RABGAP1L: variants seen among roughly 807,000 people sequenced by gnomAD.
RABGAP1L encodes the protein RAB GTPase activating protein 1 like.
Under a neutral mutation model 137.7 loss-of-function variants are expected in RABGAP1L, and 63 were observed. That is an observed-to-expected ratio of 0.46 (90% CI 0.37 to 0.56). The LOEUF (loss-of-function observed/expected upper bound fraction) is 0.56. RABGAP1L is among the 20% of genes least tolerant of loss of function. The pLI is 0.00. For missense variants in RABGAP1L, 1,095 were observed against 1,244.0 expected, an observed-to-expected ratio of 0.88 and a Z score of 1.80; for synonymous variants, 431 against 433.7, an observed-to-expected ratio of 0.99 and a Z score of 0.08.
intron 19 of RABGAP1L, chr1:174,893,085 T>C (rs1245836638): frequency 2.8e-6 from 1 of 362,794 alleles, no homozygotes; most frequent in South Asian, 2.6e-5. Flanking sequence ...TCATTTTGTA[T>C]TGGAAAGTGA....
At chr1:174,393,870 C>A (rs1647476494) in intron 12 of RABGAP1L, 125 bp from the exon 13 acceptor site, 1 of 987,246 alleles carries the variant, frequency 1.0e-6, no homozygotes, top group Non-Finnish European at 1.5e-6. Flanking sequence ...GTTTAATGCC[C>A]CCCCACAAAC....
chr1:174,904,344 C>T (rs1658676448), intron 19 of RABGAP1L, among the ~76,000 whole-genome samples: 1 of 152,142 alleles, frequency 6.6e-6, no homozygotes. Flanking sequence ...GCACTCCAGC[C>T]TGGGTGACTG....
intron 15 of RABGAP1L, among the ~76,000 whole-genome samples, chr1:174,690,586 G>A (rs1678798802): frequency 6.6e-6 from 1 of 152,056 alleles, no homozygotes; most frequent in Non-Finnish European, 1.5e-5. Flanking sequence ...TGCCCAGCCA[G>A]TTTTCTTTTG....
intron 1 of RABGAP1L, among the ~76,000 whole-genome samples, chr1:174,166,736 C>T (rs1403788843): frequency 6.6e-6 from 1 of 152,152 alleles, no homozygotes; most frequent in Non-Finnish European, 1.5e-5. Flanking sequence ...AGTGTGTAGT[C>T]GATTTGAAGA....
intron 13 of RABGAP1L, among the ~76,000 whole-genome samples, chr1:174,524,852 T>A (rs1663740091): frequency 1.3e-5 from 2 of 152,192 alleles, no homozygotes; most frequent in African/African-American, 4.8e-5. Flanking sequence ...GTTTCATTCT[T>A]TGGCATATGG....
intron 13 of RABGAP1L, among the ~76,000 whole-genome samples, chr1:174,398,533 A>G (rs1648158647): frequency 6.6e-6 from 1 of 152,126 alleles, no homozygotes; most frequent in Non-Finnish European, 1.5e-5. Flanking sequence ...GGAAATTTCA[A>G]GGGTTAAAAG....
At chr1:174,319,831 A>G (rs1161024660) in intron 11 of RABGAP1L, among the ~76,000 whole-genome samples, 2 of 152,240 alleles carry the variant, frequency 1.3e-5, no homozygotes, top group East Asian at 3.9e-4. Flanking sequence ...GATGTGATAG[A>G]GTAATTAATT....
intron 19 of RABGAP1L, among the ~76,000 whole-genome samples, chr1:174,858,036 T>C (rs1649605915): frequency 6.6e-6 from 1 of 152,184 alleles, no homozygotes; most frequent in Non-Finnish European, 1.5e-5. Context: ...TTATTGTGTA[T>C]TTTTAGGCAG....
Position 174,601,083 on chromosome 1 carries a change from G to C in RABGAP1L, c.1711-36292G>C, listed in dbSNP as rs570717386. Among the ~76,000 whole-genome samples, 202 of 152,318 alleles carry C rather than the reference G, an allele frequency of 1.3e-3. 1 individual carries two copies. Among genetic ancestry groups the C allele is most frequent in the African/African-American group, 4.7e-3 (197 of 41,564 alleles). On this transcript the variant is annotated intron_variant, in intron 13 of 25. Coordinates refer to ENST00000681986, the MANE Select transcript of RABGAP1L (RefSeq NM_001366446.1). Reference sequence around the variant, plus strand: ...CCCGCAGGCTCAACACCACATGGAAGCTGCCAAGGTTTGGAGCTTCCACCC... The same window carrying C: ...CCCGCAGGCTCAACACCACATGGAACCTGCCAAGGTTTGGAGCTTCCACCC...
intron 18 of RABGAP1L, among the ~76,000 whole-genome samples, chr1:174,780,112 A>C (rs200449468): frequency 7.9e-6 from 1 of 126,494 alleles, no homozygotes; most frequent in Non-Finnish European, 1.8e-5. Context: ...ATAAATAAAT[A>C]AATAAATTAA....
At chr1:174,325,411 G>A (rs918927343) in intron 11 of RABGAP1L, among the ~76,000 whole-genome samples, 6 of 152,166 alleles carry the variant, frequency 3.9e-5, no homozygotes, top group Non-Finnish European at 8.8e-5. Context: ...ACATCATTTT[G>A]CACAACTATC....
intron 14 of RABGAP1L, among the ~76,000 whole-genome samples, chr1:174,678,182 A>C (rs920791734): frequency 2.6e-5 from 4 of 152,196 alleles, no homozygotes. Context: ...AAATTATTTA[A>C]ATTGAAACAA....
At chr1:174,269,021 C>G (rs1674321638) in intron 7 of RABGAP1L, among the ~76,000 whole-genome samples, 1 of 152,060 alleles carries the variant, frequency 6.6e-6, no homozygotes, top group African/African-American at 2.4e-5. Flanking sequence ...TCGGCTCACA[C>G]AAGCTCTGCC....
chr1:174,478,932 G>T (rs556240172), intron 13 of RABGAP1L, among the ~76,000 whole-genome samples: 5 of 152,158 alleles, frequency 3.3e-5, no homozygotes, highest in Admixed American at 2.0e-4. Flanking sequence ...TCTTCTGTCT[G>T]CATTTCAACA....
At chr1:174,276,959 T>A (rs189894324) in intron 9 of RABGAP1L, among the ~76,000 whole-genome samples, 3 of 151,336 alleles carry the variant, frequency 2.0e-5, no homozygotes, top group Non-Finnish European at 4.4e-5. Flanking sequence ...AACCATTAAT[T>A]CATATTTAGA....
Position 174,972,853 on chromosome 1 carries a change from C to CAAAAAAAAAAAAAAA in RABGAP1L, c.2545-3214_2545-3200dup, listed in dbSNP as rs373159573. The stretch of plus-strand genomic sequence containing the variant: ...TGGGTGACAGAGCGAGACTCTGTCT[C>CAAAAAAAAAAAAAAA]AAAAAAAAAAAAAAAAAAAAAAAAA... On this transcript the variant is annotated intron_variant, in intron 21 of 25. Transcript: ENST00000681986. Among the ~76,000 whole-genome samples, 4 of 52,826 alleles carry CAAAAAAAAAAAAAAA rather than the reference C, an allele frequency of 7.6e-5. 2 individuals are homozygous for CAAAAAAAAAAAAAAA. The highest frequency in any genetic ancestry group is 3.0e-4 in the African/African-American group (4 of 13,380). 34.7% of individuals were successfully genotyped at this position (52,826 alleles called of 152,430 possible).
intron 11 of RABGAP1L, among the ~76,000 whole-genome samples, chr1:174,346,578 G>T (rs1411339228): frequency 2.0e-5 from 3 of 151,908 alleles, no homozygotes; most frequent in Non-Finnish European, 4.4e-5. Flanking sequence ...CTGCAGTATT[G>T]GTTGTAATGT....
chr1:174,662,105 T>TC (rs1557961582), intron 14 of RABGAP1L, among the ~76,000 whole-genome samples: 12 of 110,066 alleles, frequency 1.1e-4, no homozygotes, highest in African/African-American at 4.6e-4. Context: ...TTCTTTTCTT[T>TC]TTTTTTTTTT....
intron 13 of RABGAP1L, among the ~76,000 whole-genome samples, chr1:174,502,122 A>G (rs991459760): frequency 5.3e-5 from 8 of 151,932 alleles, no homozygotes; most frequent in African/African-American, 1.9e-4. Flanking sequence ...TGCTCTTTAT[A>G]GTTACTGAAA....
Sources: gnomAD v4.1 joint callset for allele counts (sites outside exome capture counted in the v4.1 genomes callset) on GRCh38, gnomAD v4.1.1 for gene constraint, MANE v1.5 for transcripts, NCBI Gene and HGNC (gene_info 2026-07-23, HGNC 2026-07-21) for gene names.